RBMS1: variants seen among roughly 807,000 people sequenced by gnomAD.
The protein encoded by RBMS1 is RNA binding motif single stranded interacting protein 1, also known as RNA-binding motif, single-stranded-interacting protein 1.
A neutral mutation model predicts 62.3 loss-of-function variants in RBMS1; 17 were observed. The observed-to-expected ratio is 0.27, with a 90% CI of 0.19 to 0.41. The LOEUF is 0.41. Among genes scored for constraint, RBMS1 ranks in the 10% least tolerant of loss-of-function variants. The pLI is 1.00. For synonymous variants in RBMS1, 172 were observed against 170.0 expected, an observed-to-expected ratio of 1.01 and a Z score of -0.09; for missense variants, 334 against 504.5, an observed-to-expected ratio of 0.66 and a Z score of 3.24.
At chr2:160,471,718 A>ATATATATATATATATAG (rs1357101386) in intron 1 of RBMS1, among the ~76,000 whole-genome samples, 1 of 14,504 alleles carries the variant, frequency 6.9e-5, no homozygotes, top group Non-Finnish European at 2.1e-4. Context: ...TATATATATA[A>ATATATATATATATATAG]CCTTTCATAC....
At chr2:160,484,668 G>C (rs1364803607) in intron 1 of RBMS1, among the ~76,000 whole-genome samples, 3 of 151,462 alleles carry the variant, frequency 2.0e-5, no homozygotes, top group Non-Finnish European at 4.4e-5. Context: ...TCAGGAGATC[G>C]AGACCATCCT....
rs536624680 is a variant in RBMS1 at position 160,399,644 on chromosome 2, T to C, written c.76-32253A>G. On this transcript the variant is annotated intron_variant, in intron 1 of 13. Coordinates refer to ENST00000348849, the MANE Select transcript of RBMS1 (RefSeq NM_016836.4). ...ACTATTCACTGTCTTAGAATTGGTC[T>C]GATACATTTAACATATAAAACTGAG... is the stretch of plus-strand genomic sequence containing the variant. Among the ~76,000 whole-genome samples, 53 of 152,340 alleles carry C rather than the reference T, an allele frequency of 3.5e-4. No homozygotes were observed. In the South Asian group the frequency reaches 5.8e-3, roughly 17 times the overall value.
chr2:160,444,786 A>G (rs1238333496), intron 1 of RBMS1, among the ~76,000 whole-genome samples: 1 of 152,162 alleles, frequency 6.6e-6, no homozygotes, highest in Admixed American at 6.5e-5. Flanking sequence ...AGGAAGAGAG[A>G]GGAAGAGATC....
At chr2:160,400,503 T>C (rs886605959) in intron 1 of RBMS1, among the ~76,000 whole-genome samples, 1 of 151,974 alleles carries the variant, frequency 6.6e-6, no homozygotes, top group African/African-American at 2.4e-5. Context: ...AATACAGAAA[T>C]TAAATGTGGA....
At chr2:160,427,157 A>G (rs1682671774) in intron 1 of RBMS1, among the ~76,000 whole-genome samples, 3 of 152,258 alleles carry the variant, frequency 2.0e-5, no homozygotes, top group Non-Finnish European at 4.4e-5. Flanking sequence ...ACACTTTTCC[A>G]TCTAAGGGAT....
intron 2 of RBMS1, among the ~76,000 whole-genome samples, chr2:160,321,710 T>C (rs1690571061): frequency 6.6e-6 from 1 of 152,132 alleles, no homozygotes. Flanking sequence ...ACTCTCCCAA[T>C]CTCCTACCAA....
chr2:160,277,479 A>G, intron 11 of RBMS1, 96 bp from the exon 12 acceptor site: 1 of 900,784 alleles, frequency 1.1e-6, no homozygotes, highest in Non-Finnish European at 1.8e-6. Flanking sequence ...GTATTTGGAA[A>G]TCTCAAAGAA....
chr2:160,438,789 G>C (rs1013493692), intron 1 of RBMS1, among the ~76,000 whole-genome samples: 4 of 152,216 alleles, frequency 2.6e-5, no homozygotes, highest in Admixed American at 6.5e-5. Context: ...CCTCCCAGAC[G>C]GGGTGGTGGC....
chr2:160,330,650 A>C (rs1422049895), intron 2 of RBMS1, among the ~76,000 whole-genome samples: 1 of 151,562 alleles, frequency 6.6e-6, no homozygotes, highest in Non-Finnish European at 1.5e-5. Context: ...CTTTTGATTA[A>C]GCACAAGTTC....
chr2:160,306,724 GT>G (rs150613221), intron 4 of RBMS1, among the ~76,000 whole-genome samples: 26,512 of 147,562 alleles, frequency 0.18, 2,954 homozygotes, highest in South Asian at 0.35. Context: ...TTTCACGGGT[GT>G]TTTTTTTTTC....
intron 1 of RBMS1, among the ~76,000 whole-genome samples, chr2:160,396,877 C>A (rs567748569): frequency 6.6e-6 from 1 of 152,196 alleles, no homozygotes; most frequent in South Asian, 2.1e-4. Flanking sequence ...GGAATGTCTA[C>A]CTGCGCATGC....
At chr2:160,422,230 T>C (rs1696464576) in intron 1 of RBMS1, among the ~76,000 whole-genome samples, 1 of 152,212 alleles carries the variant, frequency 6.6e-6, no homozygotes, top group Non-Finnish European at 1.5e-5. Context: ...ATATAGCATA[T>C]AGCTAAGCAC....
At chr2:160,316,372 A>G (rs993968768) in intron 3 of RBMS1, among the ~76,000 whole-genome samples, 1 of 152,152 alleles carries the variant, frequency 6.6e-6, no homozygotes, top group Non-Finnish European at 1.5e-5. Context: ...CTGCCCACAC[A>G]CCCAAAAGCA....
At chr2:160,388,965 T>C (rs1250162318) in intron 1 of RBMS1, among the ~76,000 whole-genome samples, 1 of 152,256 alleles carries the variant, frequency 6.6e-6, no homozygotes, top group Admixed American at 6.5e-5. Context: ...AATTTCCACA[T>C]GTGCTCATCT....
At chr2:160,331,048 C>G (rs1028675810) in intron 2 of RBMS1, among the ~76,000 whole-genome samples, 2 of 152,070 alleles carry the variant, frequency 1.3e-5, no homozygotes, top group Non-Finnish European at 2.9e-5. Context: ...TGACAAACTA[C>G]CAAAGCTGGA....
chr2:160,285,570 A>G (rs1288184976), intron 7 of RBMS1, among the ~76,000 whole-genome samples: 2 of 152,230 alleles, frequency 1.3e-5, no homozygotes, highest in African/African-American at 4.8e-5. Context: ...TTTTAAAATA[A>G]TAATTCATGG....
intron 1 of RBMS1, among the ~76,000 whole-genome samples, chr2:160,410,861 A>G (rs577708684): frequency 1.3e-5 from 2 of 152,296 alleles, no homozygotes; most frequent in African/African-American, 4.8e-5. Context: ...CTTCTGCCTC[A>G]GCCTCCCGAG....
intron 2 of RBMS1, among the ~76,000 whole-genome samples, chr2:160,331,674 C>T (rs898267785): frequency 7.2e-5 from 11 of 152,168 alleles, no homozygotes; most frequent in Admixed American, 2.0e-4. Flanking sequence ...TCTCCTTTAA[C>T]CTGGTCTTCT....
chr2:160,485,211 G>T (rs1437148925), intron 1 of RBMS1, among the ~76,000 whole-genome samples: 1 of 152,138 alleles, frequency 6.6e-6, no homozygotes, highest in African/African-American at 2.4e-5. Context: ...GCTCTCAGGG[G>T]ACCCCCAGAG....
Sources: gnomAD v4.1 joint callset for allele counts (sites outside exome capture counted in the v4.1 genomes callset) on GRCh38, gnomAD v4.1.1 for gene constraint, MANE v1.5 for transcripts, NCBI Gene and HGNC (gene_info 2026-07-23, HGNC 2026-07-21) for gene names.